The following CCN4 variants were observed in gnomAD, a reference collection of about 807,000 sequenced individuals.
The protein encoded by CCN4 is cellular communication network factor 4.
CCN4 carries 30 observed loss-of-function variants against 36.7 expected under a neutral mutation model. The observed-to-expected ratio is 0.82, with a 90% confidence interval of 0.61 to 1.11. The LOEUF is 1.11. Among genes scored for constraint, CCN4 ranks in the 50% least tolerant of loss-of-function variants. The pLI is 0.00. For synonymous variants in CCN4, 191 were observed against 195.4 expected (o/e 0.98, Z 0.19); for missense variants, 505 against 504.9 (o/e 1.00, Z 0.00).
intron 3 of CCN4, among the ~76,000 whole-genome samples, chr8:133,221,661 G>A (rs79507290): frequency 3.3e-5 from 5 of 151,794 alleles, no homozygotes; most frequent in African/African-American, 1.2e-4. Flanking sequence ...TGATGGATAG[G>A]TGTATAAATA....
At chr8:133,207,055 C>A (rs1022517304) in intron 1 of CCN4, among the ~76,000 whole-genome samples, 1 of 152,190 alleles carries the variant, frequency 6.6e-6, no homozygotes, top group African/African-American at 2.4e-5. Context: ...GGCTTAGAGT[C>A]AAGCACTTCA....
intron 2 of CCN4, among the ~76,000 whole-genome samples, chr8:133,214,341 C>T (rs954748610): frequency 7.7e-4 from 116 of 151,598 alleles, no homozygotes; most frequent in African/African-American, 2.6e-3. Context: ...ATACAATCAT[C>T]AGTACTTATA....
Position 133,191,102 on chromosome 8 carries a change from C to A in CCN4, c.-43C>A, listed in dbSNP as rs777520277. The A allele has an allele frequency of 1.2e-6, 2 of 1,601,054 alleles. No homozygotes were observed. Among genetic ancestry groups the A allele is most frequent in the Non-Finnish European group, 1.7e-6 (2 of 1,178,436 alleles). ...AGCTCCCCCGAGAGGTGGTCGGATC[C>A]TCTGGGCTGCTCGGTCGATGCCTGT... On this transcript the variant is annotated 5_prime_UTR_variant, in exon 1 of 5. Transcript: ENST00000250160.
At chr8:133,211,702 G>A (rs531713822) in intron 1 of CCN4, among the ~76,000 whole-genome samples, 9 of 152,172 alleles carry the variant, frequency 5.9e-5, no homozygotes, top group Non-Finnish European at 4.4e-5. Flanking sequence ...CAGAAGCCCT[G>A]GATTCTCCTC....
intron 1 of CCN4, among the ~76,000 whole-genome samples, chr8:133,208,288 A>T (rs1853857256): frequency 6.6e-6 from 1 of 152,132 alleles, no homozygotes; most frequent in Non-Finnish European, 1.5e-5. Context: ...ACCTCATATG[A>T]TGCTCACTTC....
At chr8:133,210,331 G>C (rs932062040) in intron 1 of CCN4, among the ~76,000 whole-genome samples, 3 of 151,822 alleles carry the variant, frequency 2.0e-5, no homozygotes, top group Non-Finnish European at 4.4e-5. Flanking sequence ...AGGCTCTGAG[G>C]CTTCTAGAAT....
intron 2 of CCN4, among the ~76,000 whole-genome samples, chr8:133,218,492 TC>T (rs1364520269): frequency 4.6e-5 from 7 of 152,340 alleles, no homozygotes; most frequent in African/African-American, 1.7e-4. Context: ...TGATAGTGTT[TC>T]TGTACAGAAT....
intron 1 of CCN4, among the ~76,000 whole-genome samples, chr8:133,192,352 A>C (rs143152999): frequency 6.6e-6 from 1 of 152,322 alleles, no homozygotes; most frequent in Non-Finnish European, 1.5e-5. Flanking sequence ...GGTGTGTGTA[A>C]TGATGGCGGG....
chr8:133,223,954 G>A (rs922643850), intron 3 of CCN4, among the ~76,000 whole-genome samples: 1 of 152,170 alleles, frequency 6.6e-6, no homozygotes, highest in African/African-American at 2.4e-5. Flanking sequence ...ATCCAAGAGT[G>A]GGTAGTTGAG....
chr8:133,194,129 G>T (rs186496293), intron 1 of CCN4, among the ~76,000 whole-genome samples: 132 of 152,284 alleles, frequency 8.7e-4, no homozygotes, highest in Non-Finnish European at 1.8e-3. Context: ...GCAAGCATTA[G>T]GCCTGTGGTG....
chr8:133,224,801 GCCCATGCCTGTAATC>G (rs763819969), intron 3 of CCN4, among the ~76,000 whole-genome samples: 18 of 151,976 alleles, frequency 1.2e-4, no homozygotes, highest in Non-Finnish European at 2.5e-4. Context: ...GGGCATGGTG[GCCCATGCCTGTAATC>G]TCAGCTACTT....
chr8:133,218,771 G>C (rs191005023), intron 2 of CCN4, among the ~76,000 whole-genome samples: 3 of 152,146 alleles, frequency 2.0e-5, no homozygotes, highest in Admixed American at 2.0e-4. Flanking sequence ...GGTGATATCT[G>C]GTCCAGAAGT....
chr8:133,203,834 C>T (rs987349811), intron 1 of CCN4, among the ~76,000 whole-genome samples: 15 of 152,216 alleles, frequency 9.9e-5, no homozygotes, highest in African/African-American at 3.4e-4. Context: ...CGCTGCTAGC[C>T]TCCCACGTTC....
At chr8:133,216,897 G>A (rs1437777329) in intron 2 of CCN4, among the ~76,000 whole-genome samples, 2 of 152,228 alleles carry the variant, frequency 1.3e-5, no homozygotes, top group African/African-American at 4.8e-5. Context: ...TGCCTTGCAA[G>A]GAAAGTTACC....
At chr8:133,208,280 C>G (rs1256240212) in intron 1 of CCN4, among the ~76,000 whole-genome samples, 1 of 152,236 alleles carries the variant, frequency 6.6e-6, no homozygotes, top group Non-Finnish European at 1.5e-5. Flanking sequence ...CAGCTGTGAC[C>G]TCATATGATG....
At chr8:133,191,791 C>A (rs539032136) in intron 1 of CCN4, among the ~76,000 whole-genome samples, 1 of 152,192 alleles carries the variant, frequency 6.6e-6, no homozygotes, top group East Asian at 1.9e-4. Flanking sequence ...GCTGTCACCT[C>A]CGGTCTGCAC....
chr8:133,215,828 G>A (rs1476259394), intron 2 of CCN4, among the ~76,000 whole-genome samples: 1 of 152,166 alleles, frequency 6.6e-6, no homozygotes, highest in Non-Finnish European at 1.5e-5. Context: ...GATAAATAAA[G>A]CTAACCAGGA....
chr8:133,224,791 G>A (rs756388637), intron 3 of CCN4, among the ~76,000 whole-genome samples: 9 of 151,896 alleles, frequency 5.9e-5, no homozygotes, highest in African/African-American at 1.7e-4. Context: ...AAAATTAGCC[G>A]GGCATGGTGG....
chr8:133,223,217 A>T (rs1439509138), intron 3 of CCN4, among the ~76,000 whole-genome samples: 1 of 151,750 alleles, frequency 6.6e-6, no homozygotes, highest in Non-Finnish European at 1.5e-5. Context: ...TCACGGGGGG[A>T]GCAGGGAGGC....
Sources: gnomAD v4.1 joint callset for allele counts (sites outside exome capture counted in the v4.1 genomes callset) on GRCh38, gnomAD v4.1.1 for gene constraint, MANE v1.5 for transcripts, NCBI Gene and HGNC (gene_info 2026-07-23, HGNC 2026-07-21) for gene names.